Variants in GPC6 observed in about 807,000 individuals in gnomAD.
GPC6 encodes the protein glypican-6.
A neutral mutation model predicts 55.2 loss-of-function variants in GPC6; 14 were observed. That is an observed-to-expected ratio of 0.25 (90% CI 0.17 to 0.40). The LOEUF (loss-of-function observed/expected upper bound fraction) is 0.40, where lower values mean the gene tolerates loss of function less well. Among genes scored for constraint, GPC6 ranks in the 10% least tolerant of loss-of-function variants. The pLI is 1.00. For synonymous variants in GPC6, 278 were observed against 259.6 expected, an observed-to-expected ratio of 1.07 and a Z score of -0.68; for missense variants, 641 against 708.5, an observed-to-expected ratio of 0.90 and a Z score of 1.08.
chr13:93,274,064 G>A (rs912647232), intron 1 of GPC6, among the ~76,000 whole-genome samples: 2 of 152,084 alleles, frequency 1.3e-5, no homozygotes, highest in African/African-American at 2.4e-5. Flanking sequence ...CCATGGCTGG[G>A]ATTACAGGCG....
chr13:93,442,279 G>A (rs968160634), intron 1 of GPC6, among the ~76,000 whole-genome samples: 6 of 152,154 alleles, frequency 3.9e-5, no homozygotes, highest in African/African-American at 9.7e-5. Context: ...TGGAATTGGA[G>A]CGAGAAAGAC....
chr13:93,502,076 A>G (rs1880542293), intron 1 of GPC6, among the ~76,000 whole-genome samples: 1 of 152,114 alleles, frequency 6.6e-6, no homozygotes. Context: ...GCACATTTAA[A>G]ATCTTCAGGC....
chr13:93,435,406 A>G (rs1339781945), intron 1 of GPC6, among the ~76,000 whole-genome samples: 3 of 151,824 alleles, frequency 2.0e-5, no homozygotes, highest in Non-Finnish European at 4.4e-5. Context: ...GTGAGTCACC[A>G]TGCCTGGCCT....
intron 1 of GPC6, among the ~76,000 whole-genome samples, chr13:93,249,904 TG>T (rs1475257984): frequency 6.6e-6 from 1 of 152,226 alleles, no homozygotes; most frequent in Non-Finnish European, 1.5e-5. Flanking sequence ...CTTCTCTTCT[TG>T]CTCATATAAC....
intron 1 of GPC6, among the ~76,000 whole-genome samples, chr13:93,520,915 A>G (rs1881395166): frequency 6.6e-6 from 1 of 151,926 alleles, no homozygotes; most frequent in South Asian, 2.1e-4. Flanking sequence ...TCTGTCTCGG[A>G]ACTGATGAGG....
intron 2 of GPC6, among the ~76,000 whole-genome samples, chr13:93,666,139 G>C (rs908404181): frequency 6.6e-6 from 1 of 152,148 alleles, no homozygotes; most frequent in African/African-American, 2.4e-5. Flanking sequence ...TGTGGATTTA[G>C]GGGAGGGTGA....
intron 2 of GPC6, among the ~76,000 whole-genome samples, chr13:93,568,261 T>C (rs1876233671): frequency 6.6e-6 from 1 of 152,206 alleles, no homozygotes; most frequent in Admixed American, 6.5e-5. Flanking sequence ...TTTTTGTAAC[T>C]ATGAGATTAA....
intron 2 of GPC6, among the ~76,000 whole-genome samples, chr13:93,561,404 G>GATATATATATATATATATATATATATAT (rs66957373): frequency 0.01 from 1,083 of 104,032 alleles, 58 homozygotes; most frequent in African/African-American, 0.015. Context: ...TATCCCTATC[G>GATATATATATATATATATATATATATAT]ATATATATAT....
intron 3 of GPC6, among the ~76,000 whole-genome samples, chr13:93,923,508 C>G (rs981727483): frequency 6.6e-6 from 1 of 151,804 alleles, no homozygotes; most frequent in African/African-American, 2.4e-5. Flanking sequence ...AATTTAACTA[C>G]CATTCTAGGT....
At chr13:93,384,723 G>T (rs996591355) in intron 1 of GPC6, among the ~76,000 whole-genome samples, 2 of 152,174 alleles carry the variant, frequency 1.3e-5, no homozygotes, top group Admixed American at 6.5e-5. Flanking sequence ...GGTGAAAGAG[G>T]TATGAATACA....
At position 93,646,183 on chromosome 13, in the gene GPC6, T is replaced by C. The variant is rs145455301; in HGVS notation, c.319+100762T>C. ...TTATCTGCAGTCATATCAAATAATA[T>C]GACCAAATAAAATAACTTGTGAATT... On this transcript the variant is annotated intron_variant, in intron 2 of 8. Transcript: ENST00000377047. Among the ~76,000 whole-genome samples the C allele has an allele frequency of 5.3e-4, 80 of 152,252 alleles. No individual in the cohort carries two copies. In the East Asian group the frequency reaches 0.015, roughly 29 times the overall value.
chr13:93,985,723 G>T (rs987619730), intron 3 of GPC6, among the ~76,000 whole-genome samples: 77 of 143,318 alleles, frequency 5.4e-4, no homozygotes, highest in Non-Finnish European at 2.5e-4. Context: ...ATTAAAAAAC[G>T]GAGATTGCCC....
intron 1 of GPC6, among the ~76,000 whole-genome samples, chr13:93,378,052 A>G (rs988176332): frequency 1.3e-5 from 2 of 152,232 alleles, no homozygotes; most frequent in Non-Finnish European, 2.9e-5. Flanking sequence ...ATTCAAAATC[A>G]TGGCCTTGCT....
At chr13:93,400,564 A>T (rs2139231249) in intron 1 of GPC6, among the ~76,000 whole-genome samples, 1 of 152,288 alleles carries the variant, frequency 6.6e-6, no homozygotes, top group East Asian at 1.9e-4. Flanking sequence ...CCGTCAAAAC[A>T]ATTTAATTGT....
intron 2 of GPC6, among the ~76,000 whole-genome samples, chr13:93,610,787 G>A (rs957695148): frequency 6.6e-6 from 1 of 150,938 alleles, no homozygotes; most frequent in African/African-American, 2.4e-5. Flanking sequence ...TTTTTCTTCT[G>A]TTTTCTATTT....
chr13:94,312,158 AAAAC>A (rs1876281703), intron 6 of GPC6, among the ~76,000 whole-genome samples: 1 of 152,224 alleles, frequency 6.6e-6, no homozygotes, highest in South Asian at 2.1e-4. Context: ...TATCTAGGCC[AAAAC>A]AAACAAACAA....
rs1016899653 is a variant in GPC6, at chr13:93,830,323, C to G, written c.489C>G (p.Asp163Glu). 6.2e-7 allele frequency: 1 copy of G among 1,613,950 alleles called. No homozygotes were observed. The highest frequency in any genetic ancestry group is 1.7e-5 in the Admixed American group (1 of 60,000). The change falls in exon 3 of 9, where the codon GAC becomes GAG. Residue 163 changes from aspartate to glutamate, a missense_variant. By Grantham distance (45) the Asp-to-Glu change is conservative. Coordinates refer to ENST00000377047, the MANE Select transcript of GPC6 (RefSeq NM_005708.5). ...TGAATCTGGAGGAAATGCTCAATGACTTTTGGGCTCGGCTCCTGGAACGGA... is the reference window on the plus strand; with the variant it reads ...TGAATCTGGAGGAAATGCTCAATGAGTTTTGGGCTCGGCTCCTGGAACGGA... ...GNVNLEEMLN[D>E]FWARLLERMF...
intron 3 of GPC6, among the ~76,000 whole-genome samples, chr13:93,997,272 A>G (rs1289694966): frequency 2.0e-5 from 3 of 152,168 alleles, no homozygotes; most frequent in African/African-American, 7.2e-5. Context: ...TTCACGTACA[A>G]AAAAGCCTAG....
intron 2 of GPC6, among the ~76,000 whole-genome samples, chr13:93,654,567 A>G (rs187442066): frequency 0.011 from 1,677 of 152,194 alleles, 14 homozygotes; most frequent in Non-Finnish European, 0.017. Flanking sequence ...ACCTCAGGTG[A>G]TCCACCCGCC....
Sources: gnomAD v4.1 joint callset for allele counts (sites outside exome capture counted in the v4.1 genomes callset) on GRCh38, gnomAD v4.1.1 for gene constraint, MANE v1.5 for transcripts, NCBI Gene and HGNC (gene_info 2026-07-23, HGNC 2026-07-21) for gene names.